Variants in PCDHGA8 observed in about 807,000 individuals in gnomAD.
The protein encoded by PCDHGA8 is protocadherin gamma subfamily A, 8, also known as protocadherin gamma-A8.
PCDHGA8 carries 45 observed loss-of-function variants against 59.2 expected under a neutral mutation model. The ratio of observed to expected loss-of-function variants is 0.76; its 90% confidence interval spans 0.60 to 0.98. The LOEUF (loss-of-function observed/expected upper bound fraction) is 0.98, where lower values mean the gene tolerates loss of function less well. Ranked by LOEUF, PCDHGA8 falls within the 50% of genes least tolerant of loss-of-function variation. The pLI, the probability that PCDHGA8 is intolerant of heterozygous loss-of-function variation, is 0.00. For missense variants in PCDHGA8, 1,257 were observed against 1,196.2 expected (o/e 1.05, Z -0.75); for synonymous variants, 531 against 519.0 (o/e 1.02, Z -0.32).
intron 2 of PCDHGA8, among the ~76,000 whole-genome samples, chr5:141,496,769 C>T (rs1434587849): frequency 2.0e-5 from 3 of 152,064 alleles, no homozygotes; most frequent in African/African-American, 7.3e-5. Flanking sequence ...CGAGCATCTA[C>T]TATGAGCAGG....
chr5:141,398,298 C>T (rs746476042), intron 1 of PCDHGA8: 1 of 1,362,258 alleles, frequency 7.3e-7, no homozygotes, highest in South Asian at 1.3e-5. Flanking sequence ...TGGGGTTCAG[C>T]GTCCAGGAGT....
intron 1 of PCDHGA8, chr5:141,409,807 C>T (rs1561723178): frequency 1.2e-6 from 2 of 1,611,592 alleles, no homozygotes; most frequent in Non-Finnish European, 1.7e-6. Flanking sequence ...TGCAGGCCCG[C>T]GACCACGGCT....
At position 141,409,535 on chromosome 5, in the gene PCDHGA8, A is replaced by G. The variant is rs745624722; in HGVS notation, c.2424+14298A>G. 5 of 1,613,894 alleles carry G rather than the reference A, an allele frequency of 3.1e-6. No homozygotes were observed. The African/African-American group carries it at 4.0e-5, about 13-fold the overall frequency. ...AAGCATCACCTTGTATGTCGCTGAC[A>G]TCAACGACAACGCCCCAGTTTTCGA... On this transcript the variant is annotated intron_variant, in intron 1 of 3. Coordinates refer to ENST00000398604, the MANE Select transcript of PCDHGA8 (RefSeq NM_032088.2).
chr5:141,483,870 G>C (rs548525439), intron 1 of PCDHGA8, among the ~76,000 whole-genome samples: 9 of 152,142 alleles, frequency 5.9e-5, no homozygotes, highest in Non-Finnish European at 1.3e-4. Context: ...TCCAGATCAG[G>C]ATGGATTTTT....
Position 141,485,089 on chromosome 5 carries a change from G to A in PCDHGA8, c.2425-9718G>A. The stretch of plus-strand genomic sequence containing the variant: ...GAGCTGGCGCGGGGAAAGGGAGATA[G>A]GTGTCTCCAGCTGCTGTGGCTGTTT... On this transcript the variant is annotated intron_variant, in intron 1 of 3. Coordinates refer to ENST00000398604, the MANE Select transcript of PCDHGA8 (RefSeq NM_032088.2). This position sits in a 1 kb window ranked among gnomAD's most constrained non-coding sequence, Gnocchi z 5.7. 1 of 1,027,236 alleles carries A rather than the reference G, an allele frequency of 9.7e-7. No homozygotes were observed. The highest frequency in any genetic ancestry group is 1.5e-6 in the Non-Finnish European group (1 of 674,564). 63.6% of individuals were successfully genotyped at this position (1,027,236 alleles called of 1,614,324 possible). A position where few individuals can be genotyped will look rare whatever the true frequency, so the allele number is the denominator to read the frequency against.
intron 1 of PCDHGA8, chr5:141,418,954 T>G (rs1490406390): frequency 6.2e-7 from 1 of 1,613,914 alleles, no homozygotes; most frequent in East Asian, 2.2e-5. Flanking sequence ...CAGGAGTGGT[T>G]GTTGCCCTCT....
At chr5:141,499,698 T>C (rs1312388510) in intron 2 of PCDHGA8, among the ~76,000 whole-genome samples, 2 of 149,810 alleles carry the variant, frequency 1.3e-5, no homozygotes, top group African/African-American at 2.5e-5. Context: ...ACTTTTTTTT[T>C]TTTTTTTTTT....
chr5:141,436,099 T>C (rs1400528271), intron 1 of PCDHGA8, among the ~76,000 whole-genome samples: 1 of 152,128 alleles, frequency 6.6e-6, no homozygotes, highest in Non-Finnish European at 1.5e-5. Flanking sequence ...TTGAGAGAAA[T>C]AGAGGACAAT....
At chr5:141,421,926 C>A in intron 1 of PCDHGA8, 1 of 1,613,460 alleles carries the variant, frequency 6.2e-7, no homozygotes, top group Non-Finnish European at 8.5e-7. Flanking sequence ...GTGTGGTGGT[C>A]CTCGATGTAA....
At chr5:141,424,982 G>T (rs2096852076) in intron 1 of PCDHGA8, among the ~76,000 whole-genome samples, 1 of 152,106 alleles carries the variant, frequency 6.6e-6, no homozygotes, top group South Asian at 2.1e-4. Context: ...GGATATTTAT[G>T]TTCCCTTTCA....
intron 1 of PCDHGA8, among the ~76,000 whole-genome samples, chr5:141,464,888 GCCACCATGT>G (rs1351812446): frequency 6.6e-6 from 1 of 152,000 alleles, no homozygotes; most frequent in East Asian, 1.9e-4. Context: ...ACAGATGGAT[GCCACCATGT>G]CCAGCTAATT....
In PCDHGA8 at chr5:141,486,036, G is replaced by A. The variant is rs773301300; in HGVS notation, c.2425-8771G>A. ...TATTTCAGTGGTCATACCCCTGATC[G>A]TGTAAGAAACCTCTTTAGCCTGCAC... On this transcript the variant is annotated intron_variant, in intron 1 of 3. Transcript: ENST00000398604. This position sits in a 1 kb window ranked among gnomAD's most constrained non-coding sequence, Gnocchi z 5.0. 2.5e-6 allele frequency: 4 copies of A among 1,614,048 alleles called. No individual in the cohort carries two copies. Among genetic ancestry groups the A allele is most frequent in the Admixed American group, 1.7e-5 (1 of 60,004 alleles).
chr5:141,399,146 G>A, intron 1 of PCDHGA8: 4 of 1,613,792 alleles, frequency 2.5e-6, no homozygotes, highest in Non-Finnish European at 3.4e-6. Context: ...AATGACAATA[G>A]CCCAGAAGTT....
At chr5:141,418,512 G>C (rs776986277) in intron 1 of PCDHGA8, 1 of 1,613,966 alleles carries the variant, frequency 6.2e-7, no homozygotes, top group Non-Finnish European at 8.5e-7. Context: ...TTAGATGGTG[G>C]GGACCCTCCC....
chr5:141,508,714 G>A (rs775462794), intron 3 of PCDHGA8, among the ~76,000 whole-genome samples: 16 of 151,880 alleles, frequency 1.1e-4, no homozygotes, highest in Admixed American at 2.0e-4. Context: ...ATTCTTTTCT[G>A]TGTGCAGGGA....
At chr5:141,501,516 C>A (rs763346187) in intron 2 of PCDHGA8, among the ~76,000 whole-genome samples, 1 of 152,010 alleles carries the variant, frequency 6.6e-6, no homozygotes, top group Non-Finnish European at 1.5e-5. Flanking sequence ...GGCCTCCAAG[C>A]TGAAGCCCAG....
intron 1 of PCDHGA8, among the ~76,000 whole-genome samples, chr5:141,425,918 C>T (rs901485843): frequency 1.1e-4 from 16 of 152,200 alleles, no homozygotes; most frequent in Admixed American, 2.0e-4. Flanking sequence ...ACAGTCACTA[C>T]GAAAACTCAT....
chr5:141,406,406 C>T (rs976555739), intron 1 of PCDHGA8, among the ~76,000 whole-genome samples: 18 of 152,174 alleles, frequency 1.2e-4, no homozygotes, highest in Non-Finnish European at 1.8e-4. Context: ...CTTAGAGAAA[C>T]AGCTGAAAGC....
chr5:141,432,366 A>T lies in PCDHGA8; in HGVS notation c.2424+37129A>T. The T allele has an allele frequency of 6.2e-7, 1 of 1,614,204 alleles. No homozygotes were observed. Among genetic ancestry groups the T allele is most frequent in the Non-Finnish European group, 8.5e-7 (1 of 1,180,034 alleles). On this transcript the variant is annotated intron_variant, in intron 1 of 3. Coordinates refer to ENST00000398604, the MANE Select transcript of PCDHGA8 (RefSeq NM_032088.2). This position sits in a 1 kb window ranked among gnomAD's most constrained non-coding sequence, Gnocchi z 6.0. Reference sequence around the variant, plus strand: ...TTGCAAGTGAAAGTGATGGCGCGGGACAACGGGCACCCGCCCCTCAGCAGC... The same window carrying T: ...TTGCAAGTGAAAGTGATGGCGCGGGTCAACGGGCACCCGCCCCTCAGCAGC...
Sources: allele counts gnomAD v4.1 joint callset (sites outside exome capture counted in the v4.1 genomes callset), GRCh38; gene constraint gnomAD v4.1.1; non-coding constraint Gnocchi (gnomAD v3.1); transcripts MANE v1.5; gene names NCBI Gene and HGNC (gene_info 2026-07-23, HGNC 2026-07-21).